The following CNTN1 variants were observed in gnomAD, a reference collection of about 807,000 sequenced individuals.
The protein encoded by CNTN1 is contactin 1.
In CNTN1, 38 loss-of-function variants were observed where a neutral mutation model predicts 126.4. The ratio of observed to expected loss-of-function variants is 0.30; its 90% CI spans 0.23 to 0.39. The LOEUF is 0.39. CNTN1 is among the 10% of genes least tolerant of loss of function. The probability of loss-of-function intolerance (pLI) is 1.00; values close to 1 mark genes in which losing one functional copy is unlikely to be tolerated. For synonymous variants in CNTN1, 413 were observed against 422.6 expected, an observed-to-expected ratio of 0.98 and a Z score of 0.28; for missense variants, 1,009 against 1,248.4, an observed-to-expected ratio of 0.81 and a Z score of 2.89.
Position 40,933,773 on chromosome 12 carries a change from G to A in CNTN1, c.880G>A (p.Val294Ile), listed in dbSNP as rs1592279663. The change falls in exon 9 of 24, where the codon GTT (valine) becomes ATT (isoleucine). Residue 294 changes from valine (V) to isoleucine (I), a missense_variant. Transcript: ENST00000551295. ...STAEISTSGA[V>I]LKIFNIQLED... ...TGCTGAGATTAGCACCTCTGGGGCT[G>A]TTCTTAAGATCTTCAATATTCAGCT... The A allele has an allele frequency of 6.2e-7, 1 of 1,612,614 alleles. No homozygotes were observed. Among genetic ancestry groups the A allele is most frequent in the Non-Finnish European group, 8.5e-7 (1 of 1,178,964 alleles).
rs1592404669 is a variant in CNTN1 at position 41,014,124 on chromosome 12, A to G, written c.2114-104A>G. 4 of 1,028,484 alleles carry G rather than the reference A, an allele frequency of 3.9e-6. No individual in the cohort carries two copies. The South Asian group carries it at 5.5e-5, about 14-fold the overall frequency. 63.7% of individuals were successfully genotyped at this position (1,028,484 alleles called of 1,614,324 possible). On this transcript the variant is annotated intron_variant, in intron 17 of 23. Transcript: ENST00000551295. ...CCAGTATGTTTTTCCTAGTAAAAGAAAAACATTTGTGGTTTCTGTGGTGAA... is the reference window on the plus strand; with the variant it reads ...CCAGTATGTTTTTCCTAGTAAAAGAGAAACATTTGTGGTTTCTGTGGTGAA...
chr12:40,729,651 T>C, intron 1 of CNTN1: 1 of 218,504 alleles, frequency 4.6e-6, no homozygotes, highest in South Asian at 8.2e-5. Flanking sequence ...CACAAACTTT[T>C]TCATACAGCT....
At chr12:40,804,862 A>G (rs1353302173) in intron 1 of CNTN1, among the ~76,000 whole-genome samples, 1 of 149,908 alleles carries the variant, frequency 6.7e-6, no homozygotes, top group Non-Finnish European at 1.5e-5. Flanking sequence ...TTTTTTCTTA[A>G]TCTGAAAACT....
chr12:40,939,562 T>C, intron 12 of CNTN1, 77 bp downstream of exon 12: 1 of 1,519,192 alleles, frequency 6.6e-7, no homozygotes, highest in South Asian at 1.2e-5. Flanking sequence ...GTTTATATGT[T>C]AATAATGAAA....
At chr12:41,063,647 T>A (rs1225743721) in intron 23 of CNTN1, among the ~76,000 whole-genome samples, 1 of 152,088 alleles carries the variant, frequency 6.6e-6, no homozygotes, top group African/African-American at 2.4e-5. Flanking sequence ...TTGGCCAGAG[T>A]GATTGGTTGA....
chr12:41,031,381 G>C (rs911015132), intron 23 of CNTN1, among the ~76,000 whole-genome samples: 1 of 152,064 alleles, frequency 6.6e-6, no homozygotes, highest in Non-Finnish European at 1.5e-5. Flanking sequence ...CACCATACAG[G>C]TATAATAAGA....
chr12:41,018,778 G>A (rs2897154), intron 19 of CNTN1, among the ~76,000 whole-genome samples: 1,692 of 152,066 alleles, frequency 0.011, 8 homozygotes, highest in Middle Eastern at 0.031. Context: ...AGAATAAAAT[G>A]TAGAAATAAT....
intron 1 of CNTN1, among the ~76,000 whole-genome samples, chr12:40,704,186 A>C (rs1189863881): frequency 2.0e-5 from 3 of 152,212 alleles, no homozygotes; most frequent in Admixed American, 1.3e-4. Context: ...GCAGTGATTT[A>C]ATCAGATTTC....
At chr12:40,926,171 GGATAGATAGATAGATAGATA>G (rs56862813) in intron 6 of CNTN1, among the ~76,000 whole-genome samples, 1 of 137,512 alleles carries the variant, frequency 7.3e-6, no homozygotes, top group Non-Finnish European at 1.5e-5. Context: ...TGCTAAATAA[GGATAGATAGATAGATAGATA>G]GATAGATAGA....
chr12:40,754,945 C>T lies in CNTN1; in HGVS notation c.-77+62353C>T, dbSNP rs145279092. On this transcript the variant is annotated intron_variant, in intron 1 of 23. Coordinates refer to ENST00000551295, the MANE Select transcript of CNTN1 (RefSeq NM_001843.4). Reference sequence around the variant, plus strand: ...TGGTTGAGGCTGGGTGCTGTAATCCCGGCACTTTGGGAAGCCAAGGTGGAA... The same window carrying T: ...TGGTTGAGGCTGGGTGCTGTAATCCTGGCACTTTGGGAAGCCAAGGTGGAA... Among the ~76,000 whole-genome samples, 24 of 151,720 alleles carry T rather than the reference C, an allele frequency of 1.6e-4. No homozygotes were observed. In the East Asian group the frequency reaches 1.9e-3, roughly 12 times the overall value.
intron 1 of CNTN1, among the ~76,000 whole-genome samples, chr12:40,715,954 A>G (rs1233093536): frequency 2.0e-5 from 3 of 152,088 alleles, no homozygotes; most frequent in Non-Finnish European, 4.4e-5. Flanking sequence ...AGGGAGATGG[A>G]TAGAGGATAA....
intron 23 of CNTN1, among the ~76,000 whole-genome samples, chr12:41,067,005 G>T (rs1429036069): frequency 6.6e-6 from 1 of 152,126 alleles, no homozygotes; most frequent in Non-Finnish European, 1.5e-5. Context: ...TAACACATAA[G>T]TACCAGAATT....
chr12:40,929,761 G>A (rs746136701), intron 6 of CNTN1, 35 bp from the exon 7 acceptor site: 1 of 1,500,236 alleles, frequency 6.7e-7, no homozygotes, highest in Non-Finnish European at 9.3e-7. Context: ...TTTGGGAGAA[G>A]CACTTAATAT....
chr12:40,967,014 C>A (rs1947330454), intron 15 of CNTN1, among the ~76,000 whole-genome samples: 1 of 151,904 alleles, frequency 6.6e-6, no homozygotes, highest in South Asian at 2.1e-4. Context: ...TTTTTTGCTG[C>A]ACATTTAGTG....
chr12:40,822,353 C>T (rs1184848436), intron 1 of CNTN1, among the ~76,000 whole-genome samples: 13 of 151,616 alleles, frequency 8.6e-5, no homozygotes, highest in Non-Finnish European at 2.9e-5. Context: ...TGGGGTTTCA[C>T]CATGTTGGCC....
chr12:41,017,000 C>T (rs954252013), intron 19 of CNTN1, 84 bp downstream of exon 19: 1 of 1,171,306 alleles, frequency 8.5e-7, no homozygotes, highest in South Asian at 1.3e-5. Flanking sequence ...TCCTTTCAGG[C>T]CTTACTTATT....
intron 3 of CNTN1, 43 bp from the exon 4 acceptor site, chr12:40,918,596 T>G (rs2136856438): frequency 6.3e-7 from 1 of 1,580,530 alleles, no homozygotes; most frequent in South Asian, 1.1e-5. Context: ...TTTCTTTGAC[T>G]TATAAAGCAG....
At chr12:40,963,614 T>C (rs1947188044) in intron 15 of CNTN1, among the ~76,000 whole-genome samples, 1 of 152,028 alleles carries the variant, frequency 6.6e-6, no homozygotes, top group Non-Finnish European at 1.5e-5. Flanking sequence ...AGGTCTTAAA[T>C]ATGTTGCCTT....
intron 1 of CNTN1, among the ~76,000 whole-genome samples, chr12:40,743,440 G>C (rs1938032611): frequency 6.6e-6 from 1 of 152,060 alleles, no homozygotes; most frequent in African/African-American, 2.4e-5. Context: ...TACTAGCTGT[G>C]TTATGAAATT....
Sources: gnomAD v4.1 joint callset for allele counts (sites outside exome capture counted in the v4.1 genomes callset) on GRCh38, gnomAD v4.1.1 for gene constraint, MANE v1.5 for transcripts, NCBI Gene and HGNC (gene_info 2026-07-23, HGNC 2026-07-21) for gene names.